Variants in CA5A observed in about 807,000 individuals in gnomAD.
CA5A encodes carbonic anhydrase 5A, mitochondrial.
In CA5A, 28 loss-of-function variants were observed where a neutral mutation model predicts 37.1. That is an observed-to-expected ratio of 0.75 (90% CI 0.56 to 1.03). CA5A has a LOEUF of 1.03. Ranked by LOEUF, CA5A falls within the 50% of genes least tolerant of loss-of-function variation. The pLI, the probability that CA5A is intolerant of heterozygous loss-of-function variation, is 0.00. For synonymous variants in CA5A, 171 were observed against 158.4 expected, an observed-to-expected ratio of 1.08 and a Z score of -0.60; for missense variants, 444 against 399.9, an observed-to-expected ratio of 1.11 and a Z score of -0.94.
chr16:87,890,037 T>G (rs957644146), intron 6 of CA5A, among the ~76,000 whole-genome samples: 21 of 152,348 alleles, frequency 1.4e-4, no homozygotes, highest in African/African-American at 4.8e-4. Flanking sequence ...GCACATTTGT[T>G]GACTGTGCAG....
At chr16:87,910,926 T>A (rs2056041100) in intron 2 of CA5A, among the ~76,000 whole-genome samples, 1 of 151,850 alleles carries the variant, frequency 6.6e-6, no homozygotes, top group East Asian at 1.9e-4. Flanking sequence ...ATTTTTGTAT[T>A]TTTAGTAGAG....
chr16:87,892,060 TC>T, intron 5 of CA5A, 106 bp from the exon 6 acceptor site: 1 of 1,091,204 alleles, frequency 9.2e-7, no homozygotes. Flanking sequence ...GGAAGTGCTT[TC>T]CCCCAGATAA....
intron 2 of CA5A, among the ~76,000 whole-genome samples, chr16:87,909,590 T>A (rs967952452): frequency 9.2e-5 from 14 of 152,156 alleles, no homozygotes; most frequent in East Asian, 3.9e-4. Flanking sequence ...GCGCACGCAT[T>A]TCAGGAAGAC....
chr16:87,893,110 A>G lies in CA5A; in HGVS notation c.619-1156T>C, dbSNP rs2055748102. On this transcript the variant is annotated intron_variant, in intron 5 of 6. Coordinates refer to ENST00000649794, the MANE Select transcript of CA5A (RefSeq NM_001739.2). ...CTGAAGGAACAGTTTGCCTAGAGACATTTCTTTCTTTCTTCCTTTCTTTCT... is the reference window on the plus strand; with the variant it reads ...CTGAAGGAACAGTTTGCCTAGAGACGTTTCTTTCTTTCTTCCTTTCTTTCT... 1.1e-5 allele frequency: 7 copies of G among 615,130 alleles called. No homozygotes were observed. The Admixed American group carries it at 1.5e-4, about 13-fold the overall frequency. 38.1% of individuals were successfully genotyped at this position (615,130 alleles called of 1,614,324 possible).
intron 5 of CA5A, chr16:87,893,437 C>T (rs2055754246): frequency 3.8e-6 from 2 of 526,680 alleles, no homozygotes; most frequent in Admixed American, 2.1e-5. Flanking sequence ...TGCCTGGAGA[C>T]ATTTCTACTG....
intron 2 of CA5A, among the ~76,000 whole-genome samples, chr16:87,908,513 G>C (rs1196740147): frequency 1.3e-5 from 2 of 152,192 alleles, no homozygotes; most frequent in Admixed American, 1.3e-4. Flanking sequence ...GTTCCAAAGA[G>C]AGCGACGCCA....
At chr16:87,916,119 G>C (rs2056138752) in intron 2 of CA5A, among the ~76,000 whole-genome samples, 2 of 148,236 alleles carry the variant, frequency 1.3e-5, no homozygotes, top group Non-Finnish European at 3.0e-5. Flanking sequence ...AGTGAGCAGA[G>C]ATCGCGCCAC....
intron 5 of CA5A, among the ~76,000 whole-genome samples, chr16:87,900,792 C>A (rs1364800586): frequency 1.3e-5 from 2 of 152,230 alleles, no homozygotes; most frequent in African/African-American, 4.8e-5. Context: ...CTGGGTGGTA[C>A]ATGAGTCAAC....
intron 2 of CA5A, among the ~76,000 whole-genome samples, chr16:87,926,456 C>T (rs923890096): frequency 4.6e-5 from 7 of 152,242 alleles, no homozygotes; most frequent in African/African-American, 7.2e-5. Flanking sequence ...TCCTCCCACC[C>T]GCTGCAAGGC....
intron 6 of CA5A, among the ~76,000 whole-genome samples, chr16:87,888,860 C>T (rs2055674435): frequency 6.6e-6 from 1 of 152,116 alleles, no homozygotes; most frequent in South Asian, 2.1e-4. Context: ...TCAAGCGATT[C>T]TCCTGCCTCG....
chr16:87,920,825 C>T (rs1210258099), intron 2 of CA5A, among the ~76,000 whole-genome samples: 1 of 151,866 alleles, frequency 6.6e-6, no homozygotes, highest in East Asian at 1.9e-4. Context: ...CCAGGTTTCA[C>T]TCTTGTCACC....
Position 87,891,810 on chromosome 16 carries a change from C to G in CA5A, c.763G>C (p.Ala255Pro). The change falls in exon 6 of 7, where the codon GCC becomes CCC. Residue 255 changes from alanine to proline, a missense_variant. Ala to Pro is a conservative substitution (Grantham distance 27, BLOSUM62 -1). Coordinates refer to ENST00000649794, the MANE Select transcript of CA5A (RefSeq NM_001739.2). ...WIIQKEPVEV[A>P]PSQLSAFRTL... ...CGGGCACGGCTCACCTGGCTTGGGG[C>G]CACTTCAACGGGCTCCTTCTGGATG... 6.5e-7 allele frequency: 1 copy of G among 1,530,400 alleles called. No individual in the cohort carries two copies. Among genetic ancestry groups the G allele is most frequent in the Non-Finnish European group, 8.8e-7 (1 of 1,142,472 alleles). 94.8% of individuals were successfully genotyped at this position (1,530,400 alleles called of 1,614,324 possible). A position where few individuals can be genotyped will look rare whatever the true frequency, so the allele number is the denominator to read the frequency against.
downstream of CA5A, chr16:87,885,225 G>A: frequency 6.0e-6 from 1 of 166,010 alleles, no homozygotes; most frequent in Non-Finnish European, 1.3e-5. Flanking sequence ...AGGGTGAAAG[G>A]CAGCCCCAGA....
chr16:87,907,454 CTCATGA>C (rs1362103742), intron 2 of CA5A, among the ~76,000 whole-genome samples: 1 of 152,154 alleles, frequency 6.6e-6, no homozygotes, highest in Non-Finnish European at 1.5e-5. Flanking sequence ...GATGGGCTCA[CTCATGA>C]TAAGTTTACT....
intron 4 of CA5A, 51 bp from the exon 5 acceptor site, chr16:87,902,025 G>A (rs755698327): frequency 1.3e-6 from 2 of 1,490,552 alleles, no homozygotes; most frequent in South Asian, 2.3e-5. Context: ...GGATGGGGGG[G>A]GAAGCTCACT....
At chr16:87,936,226 G>GTCTCTCC (rs2056469180) in intron 1 of CA5A, 83 bp downstream of exon 1, 1 of 961,152 alleles carries the variant, frequency 1.0e-6, no homozygotes, top group African/African-American at 1.7e-5. Context: ...GCTCGGGACG[G>GTCTCTCC]TCTCTCCTCT....
intron 2 of CA5A, among the ~76,000 whole-genome samples, chr16:87,915,298 A>G (rs1185669102): frequency 2.6e-5 from 4 of 152,098 alleles, no homozygotes; most frequent in Non-Finnish European, 4.4e-5. Context: ...CAAGGCCCAA[A>G]CTGGATTTAT....
chr16:87,899,919 C>CAAAAAAAA lies in CA5A; in HGVS notation c.618+1985_618+1992dup, dbSNP rs565557401. On this transcript the variant is annotated intron_variant, in intron 5 of 6. Transcript: ENST00000649794. ...TGGGCAACAGAGCGAGATTTTATCT[C>CAAAAAAAA]AAAAAAAAAAAAAAAAAAAAAAAAA... is the stretch of plus-strand genomic sequence containing the variant. Among the ~76,000 whole-genome samples, 84 of 46,530 alleles carry CAAAAAAAA rather than the reference C, an allele frequency of 1.8e-3. 7 individuals carry two copies. The highest frequency in any genetic ancestry group is 6.6e-3 in the African/African-American group (81 of 12,272). 30.5% of individuals were successfully genotyped at this position (46,530 alleles called of 152,430 possible).
chr16:87,910,183 T>C (rs1348464565), intron 2 of CA5A, among the ~76,000 whole-genome samples: 1 of 152,228 alleles, frequency 6.6e-6, no homozygotes, highest in Admixed American at 6.5e-5. Flanking sequence ...CTGGCCAGGT[T>C]CTGCCGTGTC....
Sources: gnomAD v4.1 joint callset for allele counts (sites outside exome capture counted in the v4.1 genomes callset) on GRCh38, gnomAD v4.1.1 for gene constraint, MANE v1.5 for transcripts, NCBI Gene and HGNC (gene_info 2026-07-23, HGNC 2026-07-21) for gene names.